DGKH: variants seen among roughly 807,000 people sequenced by gnomAD.
DGKH encodes diacylglycerol kinase eta, also known as DAG kinase eta.
DGKH carries 90 observed loss-of-function variants against 159.3 expected under a neutral mutation model. That is an observed-to-expected ratio of 0.57 (90% CI 0.48 to 0.67). The LOEUF (loss-of-function observed/expected upper bound fraction) is 0.67. Among genes scored for constraint, DGKH ranks in the 30% least tolerant of loss-of-function variants. The probability of loss-of-function intolerance (pLI) is 0.00; values close to 1 mark genes in which losing one functional copy is unlikely to be tolerated. For missense variants in DGKH, 1,181 were observed against 1,506.1 expected, an observed-to-expected ratio of 0.78 and a Z score of 3.57; for synonymous variants, 536 against 553.8, an observed-to-expected ratio of 0.97 and a Z score of 0.45.
intron 24 of DGKH, 112 bp from the exon 25 acceptor site, chr13:42,214,395 T>A: frequency 1.0e-6 from 1 of 988,292 alleles, no homozygotes; most frequent in Non-Finnish European, 1.5e-6. Context: ...TGTTCTTCCA[T>A]ACTGATCTTC....
At chr13:42,250,531 A>G (rs188148216) in intron 29 of DGKH, among the ~76,000 whole-genome samples, 1 of 152,328 alleles carries the variant, frequency 6.6e-6, no homozygotes, top group African/African-American at 2.4e-5. Context: ...GTTCTGGGCT[A>G]CAAACAATTG....
intron 16 of DGKH, among the ~76,000 whole-genome samples, chr13:42,191,759 C>T (rs35783053): frequency 0.017 from 2,650 of 152,036 alleles, 42 homozygotes; most frequent in Non-Finnish European, 0.023. Context: ...TAAATTTATT[C>T]CAGCTTTCAT....
chr13:42,183,912 C>T (rs955707243), intron 13 of DGKH, among the ~76,000 whole-genome samples: 1 of 152,256 alleles, frequency 6.6e-6, no homozygotes, highest in Non-Finnish European at 1.5e-5. Context: ...TTTTTACTTA[C>T]GCACTCTACT....
At chr13:42,197,015 A>G (rs1188996548) in intron 17 of DGKH, among the ~76,000 whole-genome samples, 1 of 152,120 alleles carries the variant, frequency 6.6e-6, no homozygotes, top group African/African-American at 2.4e-5. Flanking sequence ...GCATTTTGGG[A>G]GGCTGAGGCA....
At chr13:42,211,528 T>A (rs1268459238) in intron 24 of DGKH, among the ~76,000 whole-genome samples, 1 of 151,914 alleles carries the variant, frequency 6.6e-6, no homozygotes, top group Non-Finnish European at 1.5e-5. Flanking sequence ...TGAAACCCCG[T>A]CTCTACTAAA....
In DGKH at chr13:42,229,530, G is replaced by T; in HGVS notation, c.*342G>T. On this transcript the variant is annotated 3_prime_UTR_variant, in exon 30 of 30. Transcript: ENST00000337343. ...TTCCATAGATCTGGTCTGATGGAAT[G>T]TTCCTACTGTGCAACTGCATAACAA... 1 of 189,588 alleles carries T rather than the reference G, an allele frequency of 5.3e-6. No homozygotes were observed. The highest frequency in any genetic ancestry group is 1.1e-5 in the Non-Finnish European group (1 of 93,348). 11.7% of individuals were successfully genotyped at this position (189,588 alleles called of 1,614,324 possible).
chr13:42,234,232 G>T lies in DGKH; in HGVS notation c.*5044G>T, dbSNP rs1478587170. ...TGATATAATGTACCAAAACACAATT[G>T]CCTAGAGATGCTTTAGCTAATTTTT... On this transcript the variant is annotated 3_prime_UTR_variant, in exon 30 of 30. Coordinates refer to ENST00000337343, the MANE Select transcript of DGKH (RefSeq NM_178009.5). 1.3e-5 allele frequency: 2 copies of T among 151,952 alleles called. No homozygotes were observed. The highest frequency in any genetic ancestry group is 4.8e-5 in the African/African-American group (2 of 41,356). 9.4% of individuals were successfully genotyped at this position (151,952 alleles called of 1,614,324 possible). A position where few individuals can be genotyped will look rare whatever the true frequency, so the allele number is the denominator to read the frequency against.
At chr13:42,062,663 A>T (rs995996592) in intron 1 of DGKH, among the ~76,000 whole-genome samples, 1 of 152,228 alleles carries the variant, frequency 6.6e-6, no homozygotes, top group Non-Finnish European at 1.5e-5. Context: ...AGGTGTCCTT[A>T]TGATGTCCTC....
At chr13:42,135,741 T>C (rs1017211528) in intron 3 of DGKH, among the ~76,000 whole-genome samples, 3 of 152,142 alleles carry the variant, frequency 2.0e-5, no homozygotes, top group Non-Finnish European at 4.4e-5. Flanking sequence ...CTAGAGAGAA[T>C]TGATCTCCTT....
chr13:42,185,029 CTG>C (rs1956878997), intron 13 of DGKH, among the ~76,000 whole-genome samples: 1 of 152,078 alleles, frequency 6.6e-6, no homozygotes, highest in Non-Finnish European at 1.5e-5. Context: ...AAGTAGAAAA[CTG>C]TGTGTATAGT....
At chr13:42,164,354 G>A (rs1350446010) in intron 7 of DGKH, among the ~76,000 whole-genome samples, 2 of 149,780 alleles carry the variant, frequency 1.3e-5, no homozygotes, top group Non-Finnish European at 3.0e-5. Context: ...AAAGCTATCT[G>A]TGTGTGCTAG....
intron 1 of DGKH, among the ~76,000 whole-genome samples, chr13:42,113,111 C>T (rs1343784282): frequency 6.6e-6 from 1 of 152,132 alleles, no homozygotes; most frequent in African/African-American, 2.4e-5. Context: ...TGCTCCTACT[C>T]CTGGGTGGGG....
rs1232815737 is a variant in DGKH at position 42,151,505 on chromosome 13, G to A, written c.385-3786G>A. On this transcript the variant is annotated intron_variant, in intron 3 of 29. Transcript: ENST00000337343. ...TGTGTGTGTGTGTGTGTGTGTGTGTGTATACACATGTATATATATACACGT... is the reference window on the plus strand; with the variant it reads ...TGTGTGTGTGTGTGTGTGTGTGTGTATATACACATGTATATATATACACGT... 2.1e-4 allele frequency among the ~76,000 whole-genome samples: 17 copies of A among 79,258 alleles called. No individual in the cohort carries two copies. The East Asian group carries it at 4.2e-3, about 20-fold the overall frequency. 52.0% of individuals were successfully genotyped at this position (79,258 alleles called of 152,430 possible).
At chr13:42,096,623 A>G (rs1220048760) in intron 1 of DGKH, among the ~76,000 whole-genome samples, 1 of 152,180 alleles carries the variant, frequency 6.6e-6, no homozygotes, top group Non-Finnish European at 1.5e-5. Flanking sequence ...CTCTCCTGGC[A>G]ATGAATTTCA....
rs1187159134 is a variant in DGKH, at chr13:42,194,866, C to A, written c.2036-19C>A. 1.2e-6 allele frequency: 2 copies of A among 1,603,594 alleles called. No individual in the cohort carries two copies. On this transcript the variant is annotated intron_variant, in intron 16 of 29. Coordinates refer to ENST00000337343, the MANE Select transcript of DGKH (RefSeq NM_178009.5). ...AGCTTTATCATTATCTCTTTTTAAT[C>A]TGGACTTTTTGCCAACAGTTAAAAC...
At chr13:42,109,198 C>T (rs1954814754) in intron 1 of DGKH, among the ~76,000 whole-genome samples, 1 of 152,142 alleles carries the variant, frequency 6.6e-6, no homozygotes, top group Non-Finnish European at 1.5e-5. Flanking sequence ...TAACACAAGA[C>T]CAGCTGGTAT....
At chr13:42,243,383 T>C (rs114912082), downstream of DGKH, among the ~76,000 whole-genome samples, 1,483 of 152,318 alleles carry the variant, frequency 9.7e-3, 19 homozygotes, top group African/African-American at 0.034. Context: ...GAATTCTTGA[T>C]TGTAAGAACA....
At position 42,155,382 on chromosome 13, in the gene DGKH, G is replaced by C. The variant is rs1343905561; in HGVS notation, c.476G>C (p.Arg159Thr). Residue 159 changes from arginine to threonine, a missense_variant, in exon 4 of 30, where the codon AGA becomes ACA. Arg to Thr is a moderately conservative substitution (Grantham distance 71, BLOSUM62 -1). Around this residue, in one of 5 missense-constraint regions of DGKH, gnomAD observed 369 missense variants for 519.4 expected, o/e 0.71. Coordinates refer to ENST00000337343, the MANE Select transcript of DGKH (RefSeq NM_178009.5). ...WISSLKSVQT[R>T]EPYEVAQFNV... ...AGCTCACTGAAGTCTGTACAGACCA[G>C]AGAACCCTACGAGGTAAAATAGCAT... The C allele has an allele frequency of 1.9e-6, 3 of 1,609,494 alleles. No homozygotes were observed. The highest frequency in any genetic ancestry group is 3.4e-5 in the Admixed American group (2 of 58,542).
chr13:42,199,944 A>G (rs1957307487), intron 20 of DGKH, 35 bp downstream of exon 20: 1 of 1,531,018 alleles, frequency 6.5e-7, no homozygotes, highest in African/African-American at 1.4e-5. Context: ...ATTTCATATT[A>G]TCTTACTTAA....
Sources: allele counts gnomAD v4.1 joint callset (sites outside exome capture counted in the v4.1 genomes callset), GRCh38; gene constraint gnomAD v4.1.1; regional missense constraint gnomAD v4.1.1; transcripts MANE v1.5; gene names NCBI Gene and HGNC (gene_info 2026-07-23, HGNC 2026-07-21).